DSP: variants seen among roughly 807,000 people sequenced by gnomAD.
DSP encodes the protein 250/210 kDa paraneoplastic pemphigus antigen.
In DSP, 114 loss-of-function variants were observed where a neutral mutation model predicts 290.6. That is an observed-to-expected ratio of 0.39 (90% CI 0.34 to 0.46). The LOEUF is 0.46. Ranked by LOEUF, DSP falls within the 20% of genes least tolerant of loss-of-function variation. The pLI, the probability that DSP is intolerant of heterozygous loss-of-function variation, is 0.99. For missense variants in DSP, 3,230 were observed against 3,495.8 expected (o/e 0.92, Z 1.92); for synonymous variants, 1,311 against 1,316.4 (o/e 1.00, Z 0.09).
intron 4 of DSP, among the ~76,000 whole-genome samples, chr6:7,561,609 C>G (rs1758696281): frequency 6.6e-6 from 1 of 152,174 alleles, no homozygotes; most frequent in Non-Finnish European, 1.5e-5. Context: ...GGAGCCTGGT[C>G]ACGTTGCTAA....
rs1759336615 is a variant in DSP at position 7,579,177 on chromosome 6, A to G, written c.3085-98A>G. The G allele has an allele frequency of 2.0e-6, 3 of 1,507,958 alleles. No homozygotes were observed. Among genetic ancestry groups the G allele is most frequent in the Admixed American group, 1.9e-5 (1 of 52,076 alleles). The allele number at this position is 1,507,958 out of a possible 1,614,324, so 93.4% of individuals were successfully genotyped here. A position where few individuals can be genotyped will look rare whatever the true frequency, so the allele number is the denominator to read the frequency against. Reference sequence around the variant, plus strand: ...TGTATGTCCATGTGTGTAAAGAGAAATAAGAATGCACATTGGTCTGGGAGG... The same window carrying G: ...TGTATGTCCATGTGTGTAAAGAGAAGTAAGAATGCACATTGGTCTGGGAGG... On this transcript the variant is annotated intron_variant, in intron 22 of 23. Coordinates refer to ENST00000379802, the MANE Select transcript of DSP (RefSeq NM_004415.4). The surrounding 1 kb of genome is among the most constrained non-coding windows in gnomAD (Gnocchi z 4.1).
At chr6:7,549,298 C>T (rs374680327) in intron 1 of DSP, among the ~76,000 whole-genome samples, 3 of 152,048 alleles carry the variant, frequency 2.0e-5, no homozygotes, top group Non-Finnish European at 2.9e-5. Flanking sequence ...TACAGGCATG[C>T]GCCACCACGC....
intron 6 of DSP, among the ~76,000 whole-genome samples, chr6:7,564,127 C>G (rs1758788730): frequency 6.6e-6 from 1 of 152,296 alleles, no homozygotes; most frequent in South Asian, 2.1e-4. Flanking sequence ...TCAGTCCCTA[C>G]TGCTGTTCTG....
intron 21 of DSP, 35 bp from the exon 22 acceptor site, chr6:7,578,429 A>G: frequency 1.9e-6 from 3 of 1,572,790 alleles, no homozygotes; most frequent in Admixed American, 1.7e-5. Context: ...TTTTAATGCA[A>G]TATCTTTTTC....
At position 7,581,072 on chromosome 6, in the gene DSP, A is replaced by G; in HGVS notation, c.4882A>G (p.Arg1628Gly). The change falls in exon 23 of 24, where the codon AGG becomes GGG. Residue 1628 changes from arginine (R) to glycine (G), a missense_variant. Arg to Gly is a moderately radical substitution (Grantham distance 125). Transcript: ENST00000379802. ...GGAGCAGGCATCCATTGTTAAGAAG[A>G]GGAGTGAGGATGACCTCCGGCAGCA... ...QLEQASIVKK[R>G]SEDDLRQQRD... 6.2e-7 allele frequency: 1 copy of G among 1,614,058 alleles called. No homozygotes were observed. Among genetic ancestry groups the G allele is most frequent in the South Asian group, 1.1e-5 (1 of 91,078 alleles).
At chr6:7,573,544 C>T (rs1759125824) in intron 15 of DSP, among the ~76,000 whole-genome samples, 1 of 151,260 alleles carries the variant, frequency 6.6e-6, no homozygotes, top group Non-Finnish European at 1.5e-5. Context: ...CGCCATTGCA[C>T]TCCAGCCTGG....
At chr6:7,550,795 CT>C (rs1356712048) in intron 1 of DSP, among the ~76,000 whole-genome samples, 250 of 140,296 alleles carry the variant, frequency 1.8e-3, no homozygotes, top group Admixed American at 1.9e-3. Context: ...TTTTCTTTTT[CT>C]TTTTTTTTTT....
intron 1 of DSP, among the ~76,000 whole-genome samples, 173 bp downstream of exon 1, chr6:7,542,258 C>CGG (rs1758014483): frequency 1.4e-5 from 2 of 147,028 alleles, no homozygotes; most frequent in South Asian, 4.4e-4. Context: ...CTGACGCGTG[C>CGG]GGGGACAGGT....
intron 1 of DSP, among the ~76,000 whole-genome samples, chr6:7,553,353 A>C (rs897004701): frequency 2.6e-5 from 4 of 151,920 alleles, no homozygotes; most frequent in Non-Finnish European, 4.4e-5. Context: ...CTAAGAGACA[A>C]CTCTTTCATT....
rs1258972330 is a variant in DSP at position 7,586,701 on chromosome 6, C to T, written c.*823C>T. 6.6e-6 allele frequency: 1 copy of T among 152,188 alleles called. No homozygotes were observed. The highest frequency in any genetic ancestry group is 1.5e-5 in the Non-Finnish European group (1 of 68,028). The allele number at this position is 152,188 out of a possible 1,614,324, so 9.4% of individuals were successfully genotyped here. On this transcript the variant is annotated 3_prime_UTR_variant, in exon 24 of 24. Coordinates refer to ENST00000379802, the MANE Select transcript of DSP (RefSeq NM_004415.4). ...AATACCATTAAAAAACTATTTGGTT[C>T]TGAATTCTTACTAGAAGGTGGTCTT...
rs1253460606 is a variant in DSP, at chr6:7,569,273, A to G, written c.1507A>G (p.Met503Val). 2 of 1,614,190 alleles carry G rather than the reference A, an allele frequency of 1.2e-6. No homozygotes were observed. Among genetic ancestry groups the G allele is most frequent in the Admixed American group, 1.7e-5 (1 of 60,028 alleles). ...CGTGACGGGCCCGGGAGGCGTTGAC[A>G]TGCTTGTTCCCTCTGTGGGGCTGAT... ...WYVTGPGGVD[M>V]LVPSVGLIIP... The change falls in exon 12 of 24, where the codon ATG (methionine) becomes GTG (valine). Residue 503 changes from methionine (M) to valine (V), a missense_variant. By Grantham distance (21) the Met-to-Val change is conservative. Transcript: ENST00000379802.
chr6:7,555,825 G>A lies in DSP; in HGVS notation c.273+5G>A, dbSNP rs200473206. On this transcript the variant is annotated splice_donor_5th_base_variant and intron_variant, in intron 2 of 23. Transcript: ENST00000379802. Reference sequence around the variant, plus strand: ...GCAGAGCTCATCGTGCAGCCTGTAAGCTTTCCCTGTTCCCATCGCTTCTCC... The same window carrying A: ...GCAGAGCTCATCGTGCAGCCTGTAAACTTTCCCTGTTCCCATCGCTTCTCC... 3.3e-4 allele frequency: 537 copies of A among 1,613,186 alleles called. No homozygotes were observed. The highest frequency in any genetic ancestry group is 4.9e-4 in the Middle Eastern group (3 of 6,062).
At chr6:7,558,295 C>G in intron 3 of DSP, 31 bp downstream of exon 3, 1 of 1,604,154 alleles carries the variant, frequency 6.2e-7, no homozygotes, top group Non-Finnish European at 8.5e-7. Flanking sequence ...ATCGGGCAGT[C>G]CCCATGAAAA....
At chr6:7,549,299 G>A (rs1407918951) in intron 1 of DSP, among the ~76,000 whole-genome samples, 2 of 152,026 alleles carry the variant, frequency 1.3e-5, no homozygotes, top group African/African-American at 2.4e-5. Context: ...ACAGGCATGC[G>A]CCACCACGCC....
In DSP at chr6:7,583,567, G is replaced by A; in HGVS notation, c.6305G>A (p.Gly2102Asp). ...ACTGGTTTTGATGATCCATTTTCAGGCAAGACAGTATCTGTTTCAGAAGCC... is the reference window on the plus strand; with the variant it reads ...ACTGGTTTTGATGATCCATTTTCAGACAAGACAGTATCTGTTTCAGAAGCC... The part of the protein sequence containing the change: ...AITGFDDPFS[G>D]KTVSVSEAIK... The change falls in exon 24 of 24, where the codon GGC (glycine) becomes GAC (aspartate). Residue 2102 changes from glycine (G) to aspartate (D), a missense_variant. Transcript: ENST00000379802. This position sits in a 1 kb window ranked among gnomAD's most constrained non-coding sequence, Gnocchi z 4.0. 6.2e-7 allele frequency: 1 copy of A among 1,614,132 alleles called. No homozygotes were observed. Among genetic ancestry groups the A allele is most frequent in the Non-Finnish European group, 8.5e-7 (1 of 1,180,026 alleles).
Position 7,583,672 on chromosome 6 carries a change from C to T in DSP, c.6410C>T (p.Pro2137Leu). 6.2e-7 allele frequency: 1 copy of T among 1,614,138 alleles called. No homozygotes were observed. The highest frequency in any genetic ancestry group is 1.1e-5 in the South Asian group (1 of 91,078). ...AQIASGGVVD[P>L]VNSVFLPKDV... ...ATTGCTTCAGGGGGTGTAGTAGACC[C>T]TGTGAACAGTGTCTTTTTGCCAAAA... The change falls in exon 24 of 24, where the codon CCT becomes CTT. Residue 2137 changes from proline to leucine, a missense_variant. Coordinates refer to ENST00000379802, the MANE Select transcript of DSP (RefSeq NM_004415.4). This position sits in a 1 kb window ranked among gnomAD's most constrained non-coding sequence, Gnocchi z 4.0.
At position 7,556,035 on chromosome 6, in the gene DSP, C is replaced by T. The variant is rs570612164; in HGVS notation, c.273+215C>T. 5.3e-5 allele frequency among the ~76,000 whole-genome samples: 8 copies of T among 152,284 alleles called. No homozygotes were observed. In the South Asian group the frequency reaches 1.2e-3, roughly 24 times the overall value. On this transcript the variant is annotated intron_variant, in intron 2 of 23. Transcript: ENST00000379802. Reference sequence around the variant, plus strand: ...GAGAACCAGCTTTCAGACAGTTCCCCGTCCCCCTCCCAACAAATGTTTACA... The same window carrying T: ...GAGAACCAGCTTTCAGACAGTTCCCTGTCCCCCTCCCAACAAATGTTTACA...
rs1758607775 is a variant in DSP, at chr6:7,559,358, A to G, written c.555A>G (p.Lys185=). The G allele has an allele frequency of 6.2e-7, 1 of 1,613,310 alleles. No individual in the cohort carries two copies. The highest frequency in any genetic ancestry group is 8.5e-7 in the Non-Finnish European group (1 of 1,180,024). Residue 185 remains lysine (K), a synonymous_variant, in exon 4 of 24, where the codon AAA becomes AAG. Transcript: ENST00000379802. ...GCTCTGGCTGGGATGAGTTCACCAA[A>G]CATGTCACCAGTGAATGTTTGGGGT... ...QSGSGWDEFT[K]HVTSECLGWM... is the part of the protein sequence containing the mutation.
chr6:7,554,127 C>CACACACACACACACA (rs1171658955), intron 1 of DSP, among the ~76,000 whole-genome samples: 34 of 23,966 alleles, frequency 1.4e-3, no homozygotes, highest in African/African-American at 4.4e-3. Flanking sequence ...ACACACACAC[C>CACACACACACACACA]CAGTTGGTTA....
Sources: gnomAD v4.1 joint callset for allele counts (sites outside exome capture counted in the v4.1 genomes callset) on GRCh38, gnomAD v4.1.1 for gene constraint, Gnocchi (gnomAD v3.1) non-coding constraint, MANE v1.5 for transcripts, NCBI Gene and HGNC (gene_info 2026-07-23, HGNC 2026-07-21) for gene names.